RGS7: variants seen among roughly 807,000 people sequenced by gnomAD.
RGS7 encodes regulator of G protein signaling 7, also known as regulator of G-protein signaling 7.
In RGS7, 27 loss-of-function variants were observed where a neutral mutation model predicts 81.1. The ratio of observed to expected loss-of-function variants is 0.33; its 90% CI spans 0.25 to 0.46. The LOEUF is 0.46. Among genes scored for constraint, RGS7 ranks in the 20% least tolerant of loss-of-function variants. The pLI, the probability that RGS7 is intolerant of heterozygous loss-of-function variation, is 1.00. For synonymous variants in RGS7, 208 were observed against 207.7 expected (o/e 1.00, Z -0.01); for missense variants, 396 against 607.4 (o/e 0.65, Z 3.66).
At chr1:240,915,351 G>T (rs983800237) in intron 6 of RGS7, among the ~76,000 whole-genome samples, 2 of 152,092 alleles carry the variant, frequency 1.3e-5, no homozygotes, top group Admixed American at 6.5e-5. Flanking sequence ...AGGGGTAGAG[G>T]CTCACTGTGG....
intron 6 of RGS7, among the ~76,000 whole-genome samples, chr1:240,880,990 T>A (rs1666261743): frequency 6.6e-6 from 1 of 152,164 alleles, no homozygotes; most frequent in African/African-American, 2.4e-5. Flanking sequence ...ACTTGTAACA[T>A]CAACCCCAAG....
intron 2 of RGS7, among the ~76,000 whole-genome samples, chr1:241,099,162 T>C (rs987819146): frequency 1.3e-5 from 2 of 152,228 alleles, no homozygotes; most frequent in African/African-American, 4.8e-5. Context: ...CTTAAAAGCA[T>C]CTGCTTGAAT....
chr1:241,037,119 T>C (rs937403161), intron 3 of RGS7, among the ~76,000 whole-genome samples: 9 of 152,218 alleles, frequency 5.9e-5, no homozygotes, highest in Non-Finnish European at 5.9e-5. Context: ...AACATGGACA[T>C]TATTATCTTG....
Position 240,907,902 on chromosome 1 carries a change from T to A in RGS7, c.385+22815A>T, listed in dbSNP as rs558849765. 7.2e-5 allele frequency among the ~76,000 whole-genome samples: 11 copies of A among 152,308 alleles called. No homozygotes were observed. The South Asian group carries it at 2.3e-3, about 32-fold the overall frequency. On this transcript the variant is annotated intron_variant, in intron 6 of 18. Coordinates refer to ENST00000440928, the MANE Select transcript of RGS7 (RefSeq NM_001364886.1). The stretch of plus-strand genomic sequence containing the variant: ...TTCATGAAATAAGAGTGCCGATCCA[T>A]AAAATACATGCCATTCGTTTTGATT...
chr1:241,046,566 T>C (rs1487352330), intron 3 of RGS7, among the ~76,000 whole-genome samples: 1 of 152,222 alleles, frequency 6.6e-6, no homozygotes, highest in African/African-American at 2.4e-5. Flanking sequence ...AAGTGGGTTA[T>C]TCTACATCTT....
chr1:241,237,775 A>G (rs1424508613), intron 2 of RGS7, among the ~76,000 whole-genome samples: 2 of 152,152 alleles, frequency 1.3e-5, no homozygotes, highest in Non-Finnish European at 2.9e-5. Context: ...AAAGGTTAGG[A>G]CAGGATAAAG....
chr1:241,074,769 C>T (rs530283098), intron 3 of RGS7, among the ~76,000 whole-genome samples: 45 of 152,180 alleles, frequency 3.0e-4, no homozygotes, highest in Non-Finnish European at 5.0e-4. Context: ...GGTTGTTACA[C>T]AAAGGAAATC....
In RGS7 at chr1:241,121,710, C is replaced by CTTTTTTTTTTT. The variant is rs10681773; in HGVS notation, c.79-22959_79-22949dup. Among the ~76,000 whole-genome samples the CTTTTTTTTTTT allele has an allele frequency of 1.0e-3, 67 of 66,402 alleles. 12 individuals carry two copies. Among genetic ancestry groups the CTTTTTTTTTTT allele is most frequent in the African/African-American group, 1.4e-3 (22 of 15,942 alleles). The allele number at this position is 66,402 out of a possible 152,430, so 43.6% of individuals were successfully genotyped here. A position where few individuals can be genotyped will look rare whatever the true frequency, so the allele number is the denominator to read the frequency against. On this transcript the variant is annotated intron_variant, in intron 2 of 18. Transcript: ENST00000440928. Reference sequence around the variant, plus strand: ...TCTATCCACCTGTGTTGCAATTGTTCTTTTTTTTTTTTTTTTTTTTTTTTT... The same window carrying CTTTTTTTTTTT: ...TCTATCCACCTGTGTTGCAATTGTTCTTTTTTTTTTTTTTTTTTTTTTTTTTTTTTTTTTTT...
chr1:241,055,182 A>C (rs1319934166), intron 3 of RGS7, among the ~76,000 whole-genome samples: 1 of 152,218 alleles, frequency 6.6e-6, no homozygotes, highest in African/African-American at 2.4e-5. Context: ...TCCAGCAGAC[A>C]TCAGTTGGAT....
At chr1:241,334,055 A>ATATATG (rs66903901) in intron 2 of RGS7, among the ~76,000 whole-genome samples, 213 of 150,830 alleles carry the variant, frequency 1.4e-3, no homozygotes, top group African/African-American at 2.9e-3. Flanking sequence ...ATATACATAC[A>ATATATG]TATATGTATA....
At chr1:241,212,108 ATAAT>A (rs1195284542) in intron 2 of RGS7, among the ~76,000 whole-genome samples, 2 of 151,710 alleles carry the variant, frequency 1.3e-5, no homozygotes, top group African/African-American at 2.4e-5. Flanking sequence ...TTATTCAATT[ATAAT>A]TAATAAATAA....
At chr1:240,863,510 C>T (rs916756786) in intron 9 of RGS7, among the ~76,000 whole-genome samples, 1 of 152,072 alleles carries the variant, frequency 6.6e-6, no homozygotes, top group African/African-American at 2.4e-5. Flanking sequence ...AAATGTAGAT[C>T]CTTTTTGAAA....
intron 2 of RGS7, among the ~76,000 whole-genome samples, chr1:241,312,948 T>G (rs2080638606): frequency 6.6e-6 from 1 of 152,020 alleles, no homozygotes; most frequent in African/African-American, 2.4e-5. Flanking sequence ...ACGGCCTTAT[T>G]GCTGATATGG....
intron 2 of RGS7, among the ~76,000 whole-genome samples, chr1:241,100,374 C>CAA (rs753787286): frequency 0.16 from 12,815 of 79,996 alleles, 1,069 homozygotes; most frequent in African/African-American, 0.23. Flanking sequence ...GACTCCATTT[C>CAA]AAAAAAAAAA....
rs1161053456 is a variant in RGS7 at position 241,271,155 on chromosome 1, T to TA, written c.78+84543dup. ...TGAGTATTTTCTATTGGCGGGAACT[T>TA]ACGTGGCTAAAACGTCTCCTTTATA... is the stretch of plus-strand genomic sequence containing the variant. On this transcript the variant is annotated intron_variant, in intron 2 of 18. Transcript: ENST00000440928. The surrounding 1 kb of genome is among the most constrained non-coding windows in gnomAD (Gnocchi z 4.6). 1.3e-5 allele frequency among the ~76,000 whole-genome samples: 2 copies of TA among 152,292 alleles called. No individual in the cohort carries two copies. The highest frequency in any genetic ancestry group is 1.9e-4 in the East Asian group (1 of 5,176).
chr1:241,333,694 G>A (rs976855478), intron 2 of RGS7, among the ~76,000 whole-genome samples: 1 of 151,876 alleles, frequency 6.6e-6, no homozygotes, highest in Non-Finnish European at 1.5e-5. Context: ...ATTTTACAGC[G>A]AATTAAGGGA....
At chr1:241,327,092 A>AAG (rs545159363) in intron 2 of RGS7, among the ~76,000 whole-genome samples, 654 of 61,526 alleles carry the variant, frequency 0.011, 29 homozygotes, top group Middle Eastern at 0.014. Context: ...GAAAGAAAGA[A>AAG]AGAAAGAAAG....
chr1:241,040,320 G>A (rs1394127298), intron 3 of RGS7, among the ~76,000 whole-genome samples: 3 of 152,172 alleles, frequency 2.0e-5, no homozygotes, highest in Non-Finnish European at 2.9e-5. Flanking sequence ...TGTCGATTTT[G>A]ATAAATGTAC....
At chr1:241,010,120 A>T (rs934006905) in intron 3 of RGS7, among the ~76,000 whole-genome samples, 7 of 152,188 alleles carry the variant, frequency 4.6e-5, no homozygotes, top group African/African-American at 1.2e-4. Context: ...CCAACATGGC[A>T]TATGTATACC....
Sources: allele counts gnomAD v4.1 joint callset (sites outside exome capture counted in the v4.1 genomes callset), GRCh38; gene constraint gnomAD v4.1.1; non-coding constraint Gnocchi (gnomAD v3.1); transcripts MANE v1.5; gene names NCBI Gene and HGNC (gene_info 2026-07-23, HGNC 2026-07-21).